The following SORCS2 variants were observed in gnomAD, a reference collection of about 807,000 sequenced individuals.
The protein encoded by SORCS2 is VPS10 domain-containing receptor SorCS2.
Under a neutral mutation model 141.6 loss-of-function variants are expected in SORCS2, and 100 were observed. That is an observed-to-expected ratio of 0.71 (90% confidence interval 0.60 to 0.83). The LOEUF is 0.83. Ranked by LOEUF, SORCS2 falls within the 40% of genes least tolerant of loss-of-function variation. The probability of loss-of-function intolerance (pLI) is 0.00; values close to 1 mark genes in which losing one functional copy is unlikely to be tolerated. For missense variants in SORCS2, 1,646 were observed against 1,560.2 expected (o/e 1.05, Z -0.93); for synonymous variants, 789 against 676.9 (o/e 1.17, Z -2.57).
At chr4:7,733,505 G>C in intron 24 of SORCS2, 84 bp downstream of exon 24, 1 of 1,134,444 alleles carries the variant, frequency 8.8e-7, no homozygotes, top group Non-Finnish European at 1.2e-6. Context: ...GGGCCCTCGG[G>C]CAGATGGCCC....
intron 2 of SORCS2, among the ~76,000 whole-genome samples, chr4:7,466,819 T>C (rs913935700): frequency 2.0e-5 from 3 of 152,152 alleles, no homozygotes; most frequent in Non-Finnish European, 4.4e-5. Context: ...CTGGGAGGCA[T>C]AGGCACTTGG....
chr4:7,565,283 TGA>T (rs1161308366), intron 3 of SORCS2, among the ~76,000 whole-genome samples: 1 of 151,668 alleles, frequency 6.6e-6, no homozygotes, highest in Non-Finnish European at 1.5e-5. Flanking sequence ...GGCTCAGAAG[TGA>T]GAGGATTATT....
intron 2 of SORCS2, among the ~76,000 whole-genome samples, chr4:7,464,647 A>G (rs1729502390): frequency 1.3e-5 from 2 of 152,224 alleles, no homozygotes; most frequent in Admixed American, 1.3e-4. Context: ...AGGTAGGACT[A>G]GGGGCTGCTG....
In SORCS2 at chr4:7,282,351, G is replaced by A. The variant is rs1715938675; in HGVS notation, c.480+89225G>A. Among the ~76,000 whole-genome samples the A allele has an allele frequency of 2.0e-5, 3 of 152,200 alleles. No individual in the cohort carries two copies. The South Asian group carries it at 6.2e-4, about 32-fold the overall frequency. On this transcript the variant is annotated intron_variant, in intron 1 of 26. Transcript: ENST00000507866. ...ATCTTTTCCTCCACCCCTTTAAAAA[G>A]TAGATCACATTATGATGTTTGGGGA...
intron 1 of SORCS2, among the ~76,000 whole-genome samples, chr4:7,222,160 T>G (rs750202541): frequency 2.0e-5 from 3 of 152,152 alleles, no homozygotes; most frequent in Non-Finnish European, 4.4e-5. Context: ...AGTCCCCTCC[T>G]AGGCATAAAC....
chr4:7,197,793 A>G (rs1397361344), intron 1 of SORCS2, among the ~76,000 whole-genome samples: 1 of 152,194 alleles, frequency 6.6e-6, no homozygotes, highest in African/African-American at 2.4e-5. Context: ...CGAGTGGTGG[A>G]CATTGCAATT....
chr4:7,266,366 A>C (rs554697189), intron 1 of SORCS2, among the ~76,000 whole-genome samples: 5 of 152,302 alleles, frequency 3.3e-5, no homozygotes, highest in African/African-American at 1.2e-4. Context: ...GCAGCTGTGA[A>C]GGGAGTGGAG....
intron 1 of SORCS2, among the ~76,000 whole-genome samples, chr4:7,266,650 G>A (rs1025605691): frequency 5.3e-5 from 8 of 152,134 alleles, no homozygotes; most frequent in South Asian, 4.1e-4. Context: ...AGGATGAAGC[G>A]GACTCAGCCC....
chr4:7,510,842 T>G (rs1463748600), intron 2 of SORCS2, among the ~76,000 whole-genome samples: 3 of 152,220 alleles, frequency 2.0e-5, no homozygotes, highest in Non-Finnish European at 4.4e-5. Flanking sequence ...CCCAACATCA[T>G]GCTCTGTCCT....
At chr4:7,402,546 G>A (rs183061518) in intron 2 of SORCS2, among the ~76,000 whole-genome samples, 3 of 152,156 alleles carry the variant, frequency 2.0e-5, no homozygotes, top group Non-Finnish European at 4.4e-5. Flanking sequence ...GTATTCCCCT[G>A]CTGTGGGAGA....
At chr4:7,506,137 G>T (rs1370072672) in intron 2 of SORCS2, among the ~76,000 whole-genome samples, 1 of 152,166 alleles carries the variant, frequency 6.6e-6, no homozygotes, top group African/African-American at 2.4e-5. Context: ...ACACTCCGGG[G>T]TCTGTGTCTG....
At chr4:7,432,660 G>A (rs1410175898) in intron 2 of SORCS2, 1 of 151,914 alleles carries the variant, frequency 6.6e-6, no homozygotes, top group African/African-American at 2.4e-5. Context: ...CAAGGAGAGA[G>A]AGGGACCCTG....
At chr4:7,592,115 G>A (rs1173547561) in intron 3 of SORCS2, among the ~76,000 whole-genome samples, 1 of 152,086 alleles carries the variant, frequency 6.6e-6, no homozygotes, top group Non-Finnish European at 1.5e-5. Flanking sequence ...AAAAAGATAC[G>A]CTTCGAGTTT....
intron 3 of SORCS2, among the ~76,000 whole-genome samples, chr4:7,597,824 G>A (rs1717386037): frequency 6.6e-6 from 1 of 152,048 alleles, no homozygotes; most frequent in Non-Finnish European, 1.5e-5. Flanking sequence ...TCATTGGGAA[G>A]CAAAAGCTCC....
intron 1 of SORCS2, among the ~76,000 whole-genome samples, chr4:7,348,914 T>C (rs1720786557): frequency 6.6e-6 from 1 of 152,208 alleles, no homozygotes; most frequent in Non-Finnish European, 1.5e-5. Context: ...CGACCCATCA[T>C]GTGAGCGGCC....
At chr4:7,562,646 A>G (rs1467919352) in intron 3 of SORCS2, among the ~76,000 whole-genome samples, 2 of 152,194 alleles carry the variant, frequency 1.3e-5, no homozygotes, top group African/African-American at 4.8e-5. Context: ...AGGACCACAG[A>G]TTGGATGGCT....
intron 3 of SORCS2, among the ~76,000 whole-genome samples, chr4:7,574,876 G>A (rs2109725045): frequency 6.6e-6 from 1 of 152,300 alleles, no homozygotes; most frequent in Middle Eastern, 3.4e-3. Flanking sequence ...GTGTCTGTTA[G>A]CCCAGCTCCT....
At chr4:7,620,806 C>G (rs1429637558) in intron 3 of SORCS2, among the ~76,000 whole-genome samples, 2 of 152,192 alleles carry the variant, frequency 1.3e-5, no homozygotes, top group Non-Finnish European at 2.9e-5. Context: ...CGCTGAGGGT[C>G]TCACGGTGGG....
intron 3 of SORCS2, among the ~76,000 whole-genome samples, chr4:7,551,912 G>C (rs1713736386): frequency 6.6e-6 from 1 of 152,226 alleles, no homozygotes; most frequent in African/African-American, 2.4e-5. Flanking sequence ...TGGTGTAAGA[G>C]AATAATTACA....
Sources: gnomAD v4.1 joint callset for allele counts (sites outside exome capture counted in the v4.1 genomes callset) on GRCh38, gnomAD v4.1.1 for gene constraint, MANE v1.5 for transcripts, NCBI Gene and HGNC (gene_info 2026-07-23, HGNC 2026-07-21) for gene names.